Variants in DSCAML1 observed in about 807,000 individuals in gnomAD.
DSCAML1 encodes the protein cell adhesion molecule DSCAML1.
A neutral mutation model predicts 200.5 loss-of-function variants in DSCAML1; 38 were observed. The ratio of observed to expected loss-of-function variants is 0.19; its 90% CI spans 0.15 to 0.25. The LOEUF is 0.25. DSCAML1 is among the 10% of genes least tolerant of loss of function. The pLI is 1.00. For synonymous variants in DSCAML1, 1,215 were observed against 1,165.0 expected (o/e 1.04, Z -0.87); for missense variants, 2,223 against 2,858.8 (o/e 0.78, Z 5.07).
At chr11:117,627,040 T>C (rs1320764225) in intron 3 of DSCAML1, among the ~76,000 whole-genome samples, 1 of 152,250 alleles carries the variant, frequency 6.6e-6, no homozygotes, top group Non-Finnish European at 1.5e-5. Flanking sequence ...GCGGGAAGTT[T>C]TATTTCTGTG....
At position 117,505,329 on chromosome 11, in the gene DSCAML1, G is replaced by C. The variant is rs989911054; in HGVS notation, c.2062+125C>G. ...AAAATAAGAGGTTTAGGCTCCAACA[G>C]GCCCTTCAAGATGCTGGAGCCCACC... On this transcript the variant is annotated intron_variant, in intron 9 of 32. Transcript: ENST00000651296. The surrounding 1 kb of genome is among the most constrained non-coding windows in gnomAD (Gnocchi z 6.7). 7.6e-7 allele frequency: 1 copy of C among 1,312,492 alleles called. No homozygotes were observed. Among genetic ancestry groups the C allele is most frequent in the Non-Finnish European group, 1.0e-6 (1 of 965,820 alleles). 81.3% of individuals were successfully genotyped at this position (1,312,492 alleles called of 1,614,324 possible).
chr11:117,481,087 G>A, intron 13 of DSCAML1, 87 bp downstream of exon 13: 2 of 1,287,664 alleles, frequency 1.6e-6, no homozygotes, highest in Non-Finnish European at 1.1e-6. Context: ...GGCGTAGGCT[G>A]TGGCCCCTGC....
intron 3 of DSCAML1, among the ~76,000 whole-genome samples, chr11:117,714,358 T>C (rs550657343): frequency 6.6e-6 from 1 of 152,308 alleles, no homozygotes; most frequent in Non-Finnish European, 1.5e-5. Flanking sequence ...AGTGCCTAAC[T>C]CTTAATCAGG....
intron 1 of DSCAML1, among the ~76,000 whole-genome samples, chr11:117,795,031 C>T (rs968501011): frequency 6.6e-6 from 1 of 152,220 alleles, no homozygotes; most frequent in African/African-American, 2.4e-5. Context: ...CTTGGCTGTC[C>T]TGTTGCCTTC....
chr11:117,638,469 C>T (rs1263620793), intron 3 of DSCAML1, among the ~76,000 whole-genome samples: 5 of 152,078 alleles, frequency 3.3e-5, no homozygotes, highest in African/African-American at 9.7e-5. Context: ...GTGCAGCCAT[C>T]ACCACAGTTG....
intron 3 of DSCAML1, among the ~76,000 whole-genome samples, chr11:117,714,017 T>C (rs985639738): frequency 3.3e-5 from 5 of 152,194 alleles, no homozygotes; most frequent in Non-Finnish European, 1.5e-5. Flanking sequence ...ACTGGCTTTG[T>C]GTGTGGCACT....
intron 3 of DSCAML1, among the ~76,000 whole-genome samples, chr11:117,619,179 A>G (rs941557497): frequency 6.6e-6 from 1 of 152,226 alleles, no homozygotes; most frequent in South Asian, 2.1e-4. Context: ...CCCAGTGCTC[A>G]GTGACTCTAC....
intron 20 of DSCAML1, 36 bp downstream of exon 20, chr11:117,450,512 TC>T (rs1265322713): frequency 2.5e-6 from 4 of 1,605,308 alleles, no homozygotes; most frequent in Non-Finnish European, 1.7e-6. Context: ...TTTCTTTTCT[TC>T]CATCCCCTTC....
chr11:117,599,963 G>C (rs2051434410), intron 3 of DSCAML1, among the ~76,000 whole-genome samples: 3 of 152,194 alleles, frequency 2.0e-5, no homozygotes, highest in Non-Finnish European at 4.4e-5. Flanking sequence ...CTCTGTATTT[G>C]AATCTGGGCT....
chr11:117,486,897 AG>A (rs1281698350), intron 11 of DSCAML1, among the ~76,000 whole-genome samples: 1 of 147,490 alleles, frequency 6.8e-6, no homozygotes, highest in Non-Finnish European at 1.5e-5. Context: ...AAAAAAAAAA[AG>A]AATGTAAAAT....
intron 6 of DSCAML1, among the ~76,000 whole-genome samples, chr11:117,519,562 G>A (rs993543534): frequency 1.3e-5 from 2 of 152,206 alleles, no homozygotes; most frequent in African/African-American, 2.4e-5. Context: ...GCTTATGCTT[G>A]TAATCTCAGC....
At chr11:117,716,853 C>T (rs998305744) in intron 3 of DSCAML1, among the ~76,000 whole-genome samples, 10 of 152,156 alleles carry the variant, frequency 6.6e-5, no homozygotes, top group South Asian at 6.2e-4. Context: ...GCTGCTTGTG[C>T]GCTGCCACGG....
intron 16 of DSCAML1, 91 bp from the exon 17 acceptor site, chr11:117,465,273 GC>G: frequency 6.6e-7 from 1 of 1,526,516 alleles, no homozygotes; most frequent in Non-Finnish European, 8.9e-7. Flanking sequence ...TCACTCCTCT[GC>G]CCCAGCCCTT....
At chr11:117,528,476 G>A (rs545840534) in intron 4 of DSCAML1, among the ~76,000 whole-genome samples, 2 of 152,332 alleles carry the variant, frequency 1.3e-5, no homozygotes, top group South Asian at 2.1e-4. Context: ...AAGCAGGGCT[G>A]GGGGAGACAG....
chr11:117,598,535 G>A (rs192403011), intron 3 of DSCAML1, among the ~76,000 whole-genome samples: 3 of 152,300 alleles, frequency 2.0e-5, no homozygotes, highest in Admixed American at 2.0e-4. Context: ...GGTTGAAATT[G>A]GTCTGGGGTC....
chr11:117,785,142 A>C (rs989499517), intron 1 of DSCAML1, among the ~76,000 whole-genome samples: 11 of 152,180 alleles, frequency 7.2e-5, no homozygotes, highest in Non-Finnish European at 1.3e-4. Flanking sequence ...ACAGTATCCC[A>C]GGTATGGTGG....
chr11:117,439,356 C>T lies in DSCAML1; in HGVS notation c.4054G>A (p.Ala1352Thr), dbSNP rs1433600488. 6 of 1,613,914 alleles carry T rather than the reference C, an allele frequency of 3.7e-6. No homozygotes were observed. Among genetic ancestry groups the T allele is most frequent in the Non-Finnish European group, 5.1e-6 (6 of 1,180,020 alleles). Reference protein sequence around the residue: ...IHTNGTLLLRAVKAEDSGYYT... With the variant: ...IHTNGTLLLRTVKAEDSGYYT... ...TAGCCAGAGTCCTCAGCCTTCACTG[C>T]ACGCAGCAGCAGTGTGCCATTGGTG... Residue 1352 changes from alanine to threonine, a missense_variant, in exon 23 of 33, where the codon GCA becomes ACA. Ala to Thr is a moderately conservative substitution (Grantham distance 58). Transcript: ENST00000651296.
intron 19 of DSCAML1, among the ~76,000 whole-genome samples, chr11:117,458,144 T>C (rs897985081): frequency 6.6e-6 from 1 of 152,210 alleles, no homozygotes; most frequent in African/African-American, 2.4e-5. Context: ...CTGTTCCTCC[T>C]GGGCTGACTT....
At chr11:117,484,926 TGTGTGTGTG>T (rs2049011088) in intron 11 of DSCAML1, among the ~76,000 whole-genome samples, 1 of 144,852 alleles carries the variant, frequency 6.9e-6, no homozygotes, top group Non-Finnish European at 1.5e-5. Context: ...TGTGTGTGTG[TGTGTGTGTG>T]TGTGTGTAAG....
Sources: allele counts gnomAD v4.1 joint callset (sites outside exome capture counted in the v4.1 genomes callset), GRCh38; gene constraint gnomAD v4.1.1; non-coding constraint Gnocchi (gnomAD v3.1); transcripts MANE v1.5; gene names NCBI Gene and HGNC (gene_info 2026-07-23, HGNC 2026-07-21).